FYB2: variants seen among roughly 807,000 people sequenced by gnomAD.
The protein encoded by FYB2 is FYN binding protein 2, also known as FYN-binding protein 2.
In FYB2, 103 loss-of-function variants were observed where a neutral mutation model predicts 94.1. That is an observed-to-expected ratio of 1.09 (90% CI 0.93 to 1.29). The LOEUF (loss-of-function observed/expected upper bound fraction) is 1.29, where lower values mean the gene tolerates loss of function less well. Ranked by LOEUF, FYB2 falls within the 50% of genes most tolerant of loss-of-function variation. FYB2 has a pLI of 0.00. For missense variants in FYB2, 896 were observed against 841.5 expected, an observed-to-expected ratio of 1.06 and a Z score of -0.80; for synonymous variants, 293 against 287.9, an observed-to-expected ratio of 1.02 and a Z score of -0.18.
intron 12 of FYB2, among the ~76,000 whole-genome samples, chr1:56,741,478 G>A (rs1485982839): frequency 1.3e-5 from 2 of 152,012 alleles, no homozygotes; most frequent in African/African-American, 4.8e-5. Context: ...CCCAGCTGAT[G>A]ATTACAATTC....
intron 6 of FYB2, among the ~76,000 whole-genome samples, chr1:56,757,356 G>T: frequency 6.6e-6 from 1 of 151,966 alleles, no homozygotes; most frequent in East Asian, 1.9e-4. Context: ...AAGCATAAGA[G>T]AACCAAAACA....
chr1:56,742,656 A>G (rs1185873361), intron 11 of FYB2, among the ~76,000 whole-genome samples: 1 of 152,102 alleles, frequency 6.6e-6, no homozygotes, highest in Admixed American at 6.5e-5. Flanking sequence ...AGCCCAACAC[A>G]TAAGCTTAAC....
rs775346111 is a variant in FYB2 at position 56,740,815 on chromosome 1, A to C, written c.1605-20T>G. 6.7e-7 allele frequency: 1 copy of C among 1,500,546 alleles called. No homozygotes were observed. Among genetic ancestry groups the C allele is most frequent in the South Asian group, 1.2e-5 (1 of 84,782 alleles). 93.0% of individuals were successfully genotyped at this position (1,500,546 alleles called of 1,614,324 possible). On this transcript the variant is annotated intron_variant, in intron 12 of 19. Coordinates refer to ENST00000343433, the MANE Select transcript of FYB2 (RefSeq NM_001004303.5). ...TCTAAACTGAGAGGAATCACAGGAT[A>C]TAAGTAACATGGCATTTAAGAGAGT...
chr1:56,797,574 C>T (rs1009138484), intron 1 of FYB2, among the ~76,000 whole-genome samples: 10 of 152,044 alleles, frequency 6.6e-5, no homozygotes, highest in African/African-American at 2.4e-4. Flanking sequence ...GTAAATGAGG[C>T]CCTGAGGGTG....
intron 1 of FYB2, among the ~76,000 whole-genome samples, chr1:56,807,010 T>A (rs994737834): frequency 6.6e-6 from 1 of 152,180 alleles, no homozygotes; most frequent in African/African-American, 2.4e-5. Context: ...CATCCCTGAT[T>A]ACATGCCCCA....
Position 56,789,249 on chromosome 1 carries a change from C to T in FYB2, c.758-115G>A, listed in dbSNP as rs1386041284. On this transcript the variant is annotated intron_variant, in intron 2 of 19. Transcript: ENST00000343433. ...CCCGTCCAATCTATTCTCCACCCAA[C>T]AGCTAGAGTGCCCTGATCAATACAT... The T allele has an allele frequency of 4.2e-6, 5 of 1,182,982 alleles. No individual in the cohort carries two copies. In the Admixed American group the frequency reaches 1.1e-4, roughly 27 times the overall value. 73.3% of individuals were successfully genotyped at this position (1,182,982 alleles called of 1,614,324 possible). A position where few individuals can be genotyped will look rare whatever the true frequency, so the allele number is the denominator to read the frequency against.
chr1:56,792,042 A>T lies in FYB2; in HGVS notation c.757+14T>A, dbSNP rs762009466. ...CCTCCCTAGCCCCTGTCCCATGGGG[A>T]TCACGTTTGTTACCTGGGGCCTGAC... is the stretch of plus-strand genomic sequence containing the variant. On this transcript the variant is annotated intron_variant, in intron 2 of 19. Coordinates refer to ENST00000343433, the MANE Select transcript of FYB2 (RefSeq NM_001004303.5). 3.9e-6 allele frequency: 6 copies of T among 1,555,776 alleles called. No individual in the cohort carries two copies. In the Admixed American group the frequency reaches 1.2e-4, roughly 32 times the overall value.
At chr1:56,826,388 T>C in the FYB2 span, among the ~76,000 whole-genome samples, 3 of 152,238 alleles carry the variant, frequency 2.0e-5, no homozygotes, top group Admixed American at 2.0e-4. Context: ...CATACAAGAC[T>C]CTTTAGAATC....
chr1:56,767,989 G>C (rs895092508), intron 4 of FYB2, 51 bp from the exon 5 acceptor site: 1 of 1,394,748 alleles, frequency 7.2e-7, no homozygotes. Flanking sequence ...AACATATTTT[G>C]AAAGCTTTTT....
chr1:56,780,155 C>T (rs1245109432), intron 4 of FYB2, among the ~76,000 whole-genome samples: 3 of 152,108 alleles, frequency 2.0e-5, no homozygotes, highest in Non-Finnish European at 4.4e-5. Context: ...CTAAATAAAC[C>T]TTTGTACAAA....
chr1:56,749,757 G>C (rs1014716507), intron 9 of FYB2, among the ~76,000 whole-genome samples: 5 of 151,644 alleles, frequency 3.3e-5, no homozygotes, highest in African/African-American at 1.2e-4. Flanking sequence ...TATTTTGAGG[G>C]GATTATTTGA....
intron 4 of FYB2, among the ~76,000 whole-genome samples, chr1:56,784,723 T>C (rs936301415): frequency 1.3e-5 from 2 of 152,138 alleles, no homozygotes; most frequent in African/African-American, 4.8e-5. Flanking sequence ...GTTCTATCTC[T>C]ATAATAAAAA....
chr1:56,749,730 T>C (rs547057492), intron 9 of FYB2, among the ~76,000 whole-genome samples: 2 of 152,080 alleles, frequency 1.3e-5, no homozygotes, highest in African/African-American at 4.8e-5. Flanking sequence ...GACTATCAAT[T>C]GTTAACATGT....
chr1:56,767,269 C>T (rs550858760), intron 5 of FYB2, among the ~76,000 whole-genome samples: 4 of 152,328 alleles, frequency 2.6e-5, no homozygotes, highest in African/African-American at 7.2e-5. Flanking sequence ...CATCTTTTTA[C>T]ATGAGAAGGT....
At chr1:56,744,539 C>T (rs1645028139) in intron 9 of FYB2, among the ~76,000 whole-genome samples, 1 of 151,942 alleles carries the variant, frequency 6.6e-6, no homozygotes, top group African/African-American at 2.4e-5. Flanking sequence ...GTGCTGGTTA[C>T]CTAGTAAACT....
intron 4 of FYB2, among the ~76,000 whole-genome samples, chr1:56,771,208 C>T: frequency 6.6e-6 from 1 of 152,074 alleles, no homozygotes; most frequent in African/African-American, 2.4e-5. Context: ...TAAAAATTTA[C>T]AACAATCTGC....
intron 1 of FYB2, among the ~76,000 whole-genome samples, chr1:56,798,159 G>T (rs763144853): frequency 6.6e-6 from 1 of 152,204 alleles, no homozygotes; most frequent in Non-Finnish European, 1.5e-5. Context: ...TGCAGGAACC[G>T]TAACTCAGCA....
intron 1 of FYB2, among the ~76,000 whole-genome samples, chr1:56,805,287 G>A (rs1016486640): frequency 9.2e-5 from 14 of 152,290 alleles, no homozygotes; most frequent in African/African-American, 3.1e-4. Context: ...TGGACGATAC[G>A]TGTCCTTTTG....
intron 4 of FYB2, among the ~76,000 whole-genome samples, chr1:56,770,249 G>A (rs1016720572): frequency 2.6e-5 from 4 of 151,978 alleles, no homozygotes; most frequent in African/African-American, 9.7e-5. Flanking sequence ...AAACTAATAG[G>A]CCAATAAATC....
Sources: allele counts gnomAD v4.1 joint callset (sites outside exome capture counted in the v4.1 genomes callset), GRCh38; gene constraint gnomAD v4.1.1; transcripts MANE v1.5; gene names NCBI Gene and HGNC (gene_info 2026-07-23, HGNC 2026-07-21).